Variants in IL7 observed in about 807,000 individuals in gnomAD.
IL7 encodes interleukin 7.
Under a neutral mutation model 21.6 loss-of-function variants are expected in IL7, and 3 were observed. That is an observed-to-expected ratio of 0.14 (90% CI 0.06 to 0.36). The LOEUF is 0.36. IL7 is among the 10% of genes least tolerant of loss of function. The probability of loss-of-function intolerance (pLI) is 1.00; values close to 1 mark genes in which losing one functional copy is unlikely to be tolerated. For missense variants in IL7, 175 were observed against 200.2 expected (o/e 0.87, Z 0.76); for synonymous variants, 62 against 68.1 (o/e 0.91, Z 0.44).
chr8:78,680,039 G>A (rs375141132), intron 4 of IL7, among the ~76,000 whole-genome samples: 2 of 151,960 alleles, frequency 1.3e-5, no homozygotes, highest in Non-Finnish European at 1.5e-5. Context: ...GCTACATACC[G>A]TATTATTCTG....
chr8:78,735,008 C>T (rs1382969107), intron 5 of IL7, among the ~76,000 whole-genome samples: 1 of 152,024 alleles, frequency 6.6e-6, no homozygotes, highest in Admixed American at 6.6e-5. Context: ...CTAGCACATA[C>T]TTTTTAAAGA....
At chr8:78,738,731 A>G in intron 3 of IL7, 96 bp from the exon 4 acceptor site, 3 of 1,129,534 alleles carry the variant, frequency 2.7e-6, no homozygotes, top group Non-Finnish European at 3.7e-6. Flanking sequence ...CTATGTTGCT[A>G]GGTAATGCCC....
intron 3 of IL7, among the ~76,000 whole-genome samples, chr8:78,706,450 G>T (rs978091687): frequency 4.6e-5 from 7 of 152,132 alleles, no homozygotes; most frequent in African/African-American, 1.7e-4. Flanking sequence ...GGCTCTAGTG[G>T]AGTGGCTTCA....
At chr8:78,773,759 A>G (rs988929899) in intron 2 of IL7, among the ~76,000 whole-genome samples, 4 of 152,154 alleles carry the variant, frequency 2.6e-5, no homozygotes, top group African/African-American at 9.7e-5. Flanking sequence ...GGAAGTTCTC[A>G]TAATGTATTT....
chr8:78,765,435 G>A (rs1812725024), intron 2 of IL7, among the ~76,000 whole-genome samples: 1 of 151,892 alleles, frequency 6.6e-6, no homozygotes, highest in Admixed American at 6.6e-5. Flanking sequence ...GACATATCTG[G>A]TAAAATAATA....
intron 2 of IL7, among the ~76,000 whole-genome samples, chr8:78,768,376 C>T (rs1446104210): frequency 1.3e-5 from 2 of 150,950 alleles, no homozygotes; most frequent in African/African-American, 4.9e-5. Flanking sequence ...AACTAGTTTA[C>T]AGTCCCACCA....
chr8:78,689,034 C>CTTT (rs5892662), intron 3 of IL7, among the ~76,000 whole-genome samples: 1 of 146,160 alleles, frequency 6.8e-6, no homozygotes. Context: ...TACCAGCAGA[C>CTTT]TTTTTTTTTT....
At chr8:78,783,839 A>C (rs961417431) in intron 2 of IL7, among the ~76,000 whole-genome samples, 1 of 152,158 alleles carries the variant, frequency 6.6e-6, no homozygotes, top group African/African-American at 2.4e-5. Context: ...TATTAAAGAA[A>C]TATGTAAAGC....
intron 2 of IL7, among the ~76,000 whole-genome samples, chr8:78,753,689 G>A (rs1334788767): frequency 6.6e-6 from 1 of 152,104 alleles, no homozygotes; most frequent in Non-Finnish European, 1.5e-5. Flanking sequence ...TTTTCTTCTA[G>A]GGTTTTTATG....
At chr8:78,717,603 C>T, downstream of IL7, 4 of 1,204,798 alleles carry the variant, frequency 3.3e-6, no homozygotes, top group South Asian at 1.6e-5. Context: ...CTCGAAATAC[C>T]ATTTCCAGTT....
chr8:78,803,837 C>G (rs566883519), intron 1 of IL7, among the ~76,000 whole-genome samples: 1 of 152,262 alleles, frequency 6.6e-6, no homozygotes, highest in Admixed American at 6.5e-5. Context: ...CTCTCTCTAT[C>G]TTTGTTTTGT....
chr8:78,683,643 T>C (rs983413693), intron 4 of IL7, among the ~76,000 whole-genome samples: 1 of 152,172 alleles, frequency 6.6e-6, no homozygotes. Context: ...TGATGTGCCC[T>C]GGAGGCATTT....
intron 2 of IL7, among the ~76,000 whole-genome samples, chr8:78,770,868 C>A (rs939883091): frequency 3.3e-5 from 5 of 151,942 alleles, no homozygotes; most frequent in African/African-American, 1.2e-4. Context: ...ATAATTTAAG[C>A]CTTTAAGTTC....
intron 3 of IL7, chr8:78,712,082 G>T (rs1177439896): frequency 1.6e-6 from 2 of 1,289,164 alleles, no homozygotes; most frequent in African/African-American, 1.5e-5. Context: ...GCCATCAAAA[G>T]ACATGAGTTA....
chr8:78,709,473 C>T (rs1305399132), intron 3 of IL7, among the ~76,000 whole-genome samples: 1 of 152,060 alleles, frequency 6.6e-6, no homozygotes, highest in African/African-American at 2.4e-5. Flanking sequence ...TTCCAGACCT[C>T]GGTTTCTTAT....
At chr8:78,706,816 A>G (rs1398315297) in intron 3 of IL7, among the ~76,000 whole-genome samples, 1 of 152,122 alleles carries the variant, frequency 6.6e-6, no homozygotes, top group African/African-American at 2.4e-5. Flanking sequence ...TTTGCTTCTC[A>G]ATTCAGACTA....
At chr8:78,675,791 T>C in exon 5 of IL7, 1 of 1,607,586 alleles carries the variant, frequency 6.2e-7, no homozygotes, top group Non-Finnish European at 8.5e-7. Flanking sequence ...TTTTAGAGAA[T>C]GGAGGTGTTG....
At chr8:78,754,674 TTTG>T (rs1466257771) in intron 2 of IL7, among the ~76,000 whole-genome samples, 1 of 151,972 alleles carries the variant, frequency 6.6e-6, no homozygotes, top group African/African-American at 2.4e-5. Context: ...TAATCAGGTT[TTTG>T]TTGTTGTTTT....
intron 3 of IL7, among the ~76,000 whole-genome samples, chr8:78,707,080 A>T (rs2130585660): frequency 6.6e-6 from 1 of 152,338 alleles, no homozygotes; most frequent in Admixed American, 6.5e-5. Context: ...GACTCATTGG[A>T]TGATTAAGTG....
Sources: allele counts gnomAD v4.1 joint callset (sites outside exome capture counted in the v4.1 genomes callset), GRCh38; gene constraint gnomAD v4.1.1; transcripts MANE v1.5; gene names NCBI Gene and HGNC (gene_info 2026-07-23, HGNC 2026-07-21).